GALNT13: variants seen among roughly 807,000 people sequenced by gnomAD.
GALNT13 encodes polypeptide N-acetylgalactosaminyltransferase 13.
A neutral mutation model predicts 64.2 loss-of-function variants in GALNT13; 28 were observed. The observed-to-expected ratio is 0.44, with a 90% CI of 0.32 to 0.60. GALNT13 has a LOEUF of 0.60. GALNT13 is among the 20% of genes least tolerant of loss of function. The pLI is 0.05. For synonymous variants in GALNT13, 214 were observed against 224.6 expected (o/e 0.95, Z 0.42); for missense variants, 577 against 669.8 (o/e 0.86, Z 1.53).
the GALNT13 span, among the ~76,000 whole-genome samples, chr2:153,528,569 GT>G: frequency 1.3e-5 from 2 of 151,876 alleles, no homozygotes; most frequent in Non-Finnish European, 2.9e-5. Flanking sequence ...AAACCAAATG[GT>G]TCTAATAGAT....
At chr2:153,977,352 C>T (rs184801344) in intron 3 of GALNT13, among the ~76,000 whole-genome samples, 187 of 152,266 alleles carry the variant, frequency 1.2e-3, no homozygotes, top group African/African-American at 4.4e-3. Context: ...GTTTAATTGA[C>T]TCACAGTTCC....
At chr2:154,073,019 AAAT>A (rs1700812617) in intron 3 of GALNT13, among the ~76,000 whole-genome samples, 1 of 152,012 alleles carries the variant, frequency 6.6e-6, no homozygotes, top group Admixed American at 6.6e-5. Context: ...AACTTTTTAA[AAAT>A]AATAATAGTA....
At chr2:154,258,634 A>T (rs565692227) in intron 7 of GALNT13, among the ~76,000 whole-genome samples, 32 of 152,164 alleles carry the variant, frequency 2.1e-4, no homozygotes, top group African/African-American at 7.0e-4. Flanking sequence ...TTTACATAAA[A>T]ATGATTTACA....
At chr2:154,199,610 A>C (rs997654686) in intron 4 of GALNT13, among the ~76,000 whole-genome samples, 3 of 152,028 alleles carry the variant, frequency 2.0e-5, no homozygotes, top group African/African-American at 7.2e-5. Flanking sequence ...GTGGAAGCTA[A>C]ACAAGATATG....
At chr2:154,223,886 G>C (rs905330562) in intron 4 of GALNT13, among the ~76,000 whole-genome samples, 13 of 152,200 alleles carry the variant, frequency 8.5e-5, no homozygotes, top group African/African-American at 3.1e-4. Context: ...TACAACTGAA[G>C]CTCAGGGCAT....
the GALNT13 span, among the ~76,000 whole-genome samples, chr2:153,630,795 ATATATATATATATT>A: frequency 4.7e-3 from 66 of 13,928 alleles, no homozygotes; most frequent in Non-Finnish European, 6.6e-3. Flanking sequence ...ATATATATAT[ATATATATATATATT>A]TTTTTTTTTT....
intron 3 of GALNT13, among the ~76,000 whole-genome samples, chr2:154,116,717 A>G (rs924931801): frequency 6.6e-6 from 1 of 152,134 alleles, no homozygotes; most frequent in African/African-American, 2.4e-5. Flanking sequence ...TGTTCTCCAT[A>G]CTATTAGAAG....
rs1193145461 is a variant in GALNT13 at position 154,453,383 on chromosome 2, T to C, written c.*2832T>C. Reference sequence around the variant, plus strand: ...ACACACACACATGCAATTCTACCTTTTTCTAACACCATCTCTTATCTCTCA... The same window carrying C: ...ACACACACACATGCAATTCTACCTTCTTCTAACACCATCTCTTATCTCTCA... On this transcript the variant is annotated 3_prime_UTR_variant, in exon 13 of 13. Coordinates refer to ENST00000392825, the MANE Select transcript of GALNT13 (RefSeq NM_052917.4). 6.6e-6 allele frequency: 1 copy of C among 152,176 alleles called. No individual in the cohort carries two copies. 9.4% of individuals were successfully genotyped at this position (152,176 alleles called of 1,614,324 possible).
In GALNT13 at chr2:154,206,405, T is replaced by C. The variant is rs114428112; in HGVS notation, c.312-35625T>C. The stretch of plus-strand genomic sequence containing the variant: ...AAGAGACAAATACACTTTTTTTTCT[T>C]TTAGTTGAAAGTTGTGGTTTTAAAA... On this transcript the variant is annotated intron_variant, in intron 4 of 12. Coordinates refer to ENST00000392825, the MANE Select transcript of GALNT13 (RefSeq NM_052917.4). 5.5e-3 allele frequency among the ~76,000 whole-genome samples: 840 copies of C among 152,208 alleles called. 8 individuals are homozygous for C. The highest frequency in any genetic ancestry group is 0.018 in the African/African-American group (756 of 41,536).
intron 2 of GALNT13, among the ~76,000 whole-genome samples, chr2:153,913,489 A>G (rs538820803): frequency 1.3e-5 from 2 of 152,236 alleles, no homozygotes; most frequent in African/African-American, 2.4e-5. Context: ...AGCCCAGGGG[A>G]ATGGGCAGCC....
Position 154,351,682 on chromosome 2 carries a change from C to CAAAA in GALNT13, c.1157-44274_1157-44271dup, listed in dbSNP as rs567606376. Reference sequence around the variant, plus strand: ...TGGGCGACAAAGCGAGACTCCGTCTCAAAAAAAAAAAAAAAAAAAAAAAAA... The same window carrying CAAAA: ...TGGGCGACAAAGCGAGACTCCGTCTCAAAAAAAAAAAAAAAAAAAAAAAAAAAAA... On this transcript the variant is annotated intron_variant, in intron 9 of 12. Coordinates refer to ENST00000392825, the MANE Select transcript of GALNT13 (RefSeq NM_052917.4). 4.0e-4 allele frequency among the ~76,000 whole-genome samples: 18 copies of CAAAA among 44,686 alleles called. 5 individuals carry two copies. The highest frequency in any genetic ancestry group is 9.7e-4 in the South Asian group (1 of 1,032). 29.3% of individuals were successfully genotyped at this position (44,686 alleles called of 152,430 possible).
chr2:153,531,367 A>G, the GALNT13 span, among the ~76,000 whole-genome samples: 1 of 152,100 alleles, frequency 6.6e-6, no homozygotes, highest in African/African-American at 2.4e-5. Context: ...GGGAGATGCC[A>G]CACACTTTTA....
At chr2:153,718,679 A>G in the GALNT13 span, among the ~76,000 whole-genome samples, 1 of 152,018 alleles carries the variant, frequency 6.6e-6, no homozygotes, top group Non-Finnish European at 1.5e-5. Context: ...AAGATTGAGG[A>G]CTTTTTTCTA....
At chr2:154,209,921 A>C (rs1008984586) in intron 4 of GALNT13, among the ~76,000 whole-genome samples, 10 of 152,168 alleles carry the variant, frequency 6.6e-5, no homozygotes, top group Non-Finnish European at 1.5e-4. Flanking sequence ...AACTATAGTC[A>C]CCATGCTGTG....
At chr2:153,140,184 C>T in the GALNT13 span, among the ~76,000 whole-genome samples, 4 of 152,024 alleles carry the variant, frequency 2.6e-5, no homozygotes, top group Admixed American at 2.6e-4. Flanking sequence ...TAGTCATTAA[C>T]ATTACAGCTA....
chr2:154,400,381 A>G (rs561899491), intron 10 of GALNT13, among the ~76,000 whole-genome samples: 1 of 152,258 alleles, frequency 6.6e-6, no homozygotes, highest in African/African-American at 2.4e-5. Flanking sequence ...GGCTTTAACA[A>G]TTTATATATT....
the GALNT13 span, among the ~76,000 whole-genome samples, chr2:153,390,811 G>A: frequency 1.3e-5 from 2 of 152,034 alleles, no homozygotes; most frequent in African/African-American, 2.4e-5. Flanking sequence ...AAGGTGAACA[G>A]GCAGAGATTT....
the GALNT13 span, among the ~76,000 whole-genome samples, chr2:153,167,865 A>G: frequency 6.6e-6 from 1 of 152,244 alleles, no homozygotes; most frequent in South Asian, 2.1e-4. Flanking sequence ...GGAAAGGAAC[A>G]AAGAGGCTAT....
At chr2:153,238,493 GA>G in the GALNT13 span, among the ~76,000 whole-genome samples, 1 of 152,010 alleles carries the variant, frequency 6.6e-6, no homozygotes. Flanking sequence ...AATCCATTTT[GA>G]TTTGAGTTTT....
Sources: gnomAD v4.1 joint callset for allele counts (sites outside exome capture counted in the v4.1 genomes callset) on GRCh38, gnomAD v4.1.1 for gene constraint, MANE v1.5 for transcripts, NCBI Gene and HGNC (gene_info 2026-07-23, HGNC 2026-07-21) for gene names.